Variants in HEXA observed in about 807,000 individuals in gnomAD.
HEXA encodes hexosaminidase subunit alpha, also known as beta-hexosaminidase subunit alpha.
In HEXA, 54 loss-of-function variants were observed where a neutral mutation model predicts 73.3. That is an observed-to-expected ratio of 0.74 (90% confidence interval 0.59 to 0.92). The LOEUF is 0.92. Among genes scored for constraint, HEXA ranks in the 40% least tolerant of loss-of-function variants. The pLI is 0.00. For synonymous variants in HEXA, 230 were observed against 246.9 expected (o/e 0.93, Z 0.64); for missense variants, 649 against 653.0 (o/e 0.99, Z 0.07).
chr15:72,375,634 A>G, intron 1 of HEXA, 86 bp downstream of exon 1: 5 of 1,502,200 alleles, frequency 3.3e-6, no homozygotes, highest in Non-Finnish European at 4.6e-6. Context: ...ACAAAAGCCC[A>G]TAGGGCGTCT....
chr15:72,351,011 C>T (rs1267995678), intron 6 of HEXA, 122 bp downstream of exon 6: 2 of 738,234 alleles, frequency 2.7e-6, no homozygotes, highest in Non-Finnish European at 4.9e-6. Flanking sequence ...AATCCAGTGT[C>T]CTTCCCCTAT....
chr15:72,341,417 G>C lies in HEXA; in HGVS notation c.*2660C>G, dbSNP rs1273744803. 2 of 152,050 alleles carry C rather than the reference G, an allele frequency of 1.3e-5. No homozygotes were observed. Among genetic ancestry groups the C allele is most frequent in the African/African-American group, 4.8e-5 (2 of 41,378 alleles). 9.4% of individuals were successfully genotyped at this position (152,050 alleles called of 1,614,324 possible). On this transcript the variant is annotated 3_prime_UTR_variant, in exon 14 of 14. Coordinates refer to ENST00000268097, the MANE Select transcript of HEXA (RefSeq NM_000520.6). ...GCAGCCTCAGCTCCTACCAAGGAGA[G>C]GAGAGGTTGAAGACTCTCCCAGTCT...
intron 7 of HEXA, 91 bp downstream of exon 7, chr15:72,350,427 C>T: frequency 7.4e-7 from 1 of 1,352,464 alleles, no homozygotes; most frequent in Non-Finnish European, 1.1e-6. Flanking sequence ...AGGACCAAGG[C>T]TGGGATATGC....
In HEXA at chr15:72,348,070, G is replaced by A; in HGVS notation, c.1051C>T (p.Leu351=). 1 of 1,612,686 alleles carries A rather than the reference G, an allele frequency of 6.2e-7. No individual in the cohort carries two copies. Among genetic ancestry groups the A allele is most frequent in the Non-Finnish European group, 8.5e-7 (1 of 1,178,666 alleles). ...KKGFGEDFKQ[L]ESFYIQTLLD... is the part of the protein sequence containing the mutation. Reference sequence around the variant, plus strand: ...CACGTCTGGATGTAGAAGGACTCCAGCTGCTTGAAGTCCTCACCGAAGCCT... The same window carrying A: ...CACGTCTGGATGTAGAAGGACTCCAACTGCTTGAAGTCCTCACCGAAGCCT... Residue 351 remains leucine (L), a synonymous_variant, in exon 9 of 14, where the codon CTG becomes TTG. Coordinates refer to ENST00000268097, the MANE Select transcript of HEXA (RefSeq NM_000520.6).
At chr15:72,345,343 G>C in intron 13 of HEXA, 103 bp downstream of exon 13, 1 of 1,558,362 alleles carries the variant, frequency 6.4e-7, no homozygotes, top group South Asian at 1.2e-5. Flanking sequence ...ATAAGCCTCT[G>C]TAAGTGTTAG....
Position 72,344,138 on chromosome 15 carries a change from C to T in HEXA, c.1529G>A (p.Arg510Gln), listed in dbSNP as rs745432499. 7 of 1,613,544 alleles carry T rather than the reference C, an allele frequency of 4.3e-6. No individual in the cohort carries two copies. The highest frequency in any genetic ancestry group is 1.3e-5 in the African/African-American group (1 of 74,898). The change falls in exon 14 of 14, where the codon CGA becomes CAA. Residue 510 changes from arginine (R) to glutamine (Q), a missense_variant and splice_region_variant. Arg to Gln is a conservative substitution (Grantham distance 43, BLOSUM62 1). Transcript: ENST00000268097. The part of the protein sequence containing the change: ...LSHFRCELLR[R>Q]GVQAQPLNVG... ...ATTGAGGGGTTGGGCCTGGACACCT[C>T]GCCTGCAAGAGGACATGAAGAAATG...
At chr15:72,347,037 G>GGGGAC (rs1347313472) in intron 10 of HEXA, among the ~76,000 whole-genome samples, 3 of 151,186 alleles carry the variant, frequency 2.0e-5, no homozygotes, top group Admixed American at 2.0e-4. Context: ...AGATGTTTCT[G>GGGGAC]GGGACGGGAC....
At chr15:72,373,415 G>A (rs974652963) in intron 1 of HEXA, among the ~76,000 whole-genome samples, 20 of 152,192 alleles carry the variant, frequency 1.3e-4, no homozygotes, top group Admixed American at 1.3e-3. Context: ...ATTCCAAAGG[G>A]AAGACTCCAT....
chr15:72,345,938 T>C, intron 12 of HEXA: 1 of 539,778 alleles, frequency 1.9e-6, no homozygotes, highest in Non-Finnish European at 3.3e-6. Context: ...GAATCATGGA[T>C]GCTTGTGCTG....
chr15:72,374,708 G>C (rs1455776142), intron 1 of HEXA, among the ~76,000 whole-genome samples: 1 of 152,132 alleles, frequency 6.6e-6, no homozygotes, highest in Non-Finnish European at 1.5e-5. Context: ...TTACAAATGT[G>C]CTGTGGAATA....
chr15:72,364,065 C>G (rs1972692), intron 1 of HEXA, among the ~76,000 whole-genome samples: 125,479 of 152,112 alleles, frequency 0.82, 56,543 homozygotes, highest in Non-Finnish European at 1. Flanking sequence ...CAGCGAACGA[C>G]TTCAAGGTTC....
intron 5 of HEXA, chr15:72,351,470 A>T (rs1377816286): frequency 1.7e-6 from 1 of 591,610 alleles, no homozygotes; most frequent in Non-Finnish European, 3.0e-6. Context: ...GATGGATGAT[A>T]GAAGTGGTCT....
intron 5 of HEXA, chr15:72,351,539 A>G (rs1480746854): frequency 2.1e-6 from 1 of 467,930 alleles, no homozygotes; most frequent in African/African-American, 2.0e-5. Flanking sequence ...CTACTGTGGT[A>G]GCCTGGAATC....
At chr15:72,368,105 G>T (rs1471347052) in intron 1 of HEXA, among the ~76,000 whole-genome samples, 1 of 152,132 alleles carries the variant, frequency 6.6e-6, no homozygotes, top group East Asian at 1.9e-4. Context: ...AATACTACCT[G>T]TACTAAGAAT....
intron 2 of HEXA, among the ~76,000 whole-genome samples, chr15:72,356,252 T>C (rs990499550): frequency 1.3e-5 from 2 of 152,164 alleles, no homozygotes; most frequent in Non-Finnish European, 2.9e-5. Context: ...GTATACACTT[T>C]CCTAAAATAG....
At chr15:72,375,598 T>C in intron 1 of HEXA, 122 bp downstream of exon 1, 3 of 1,028,784 alleles carry the variant, frequency 2.9e-6, no homozygotes, top group Non-Finnish European at 4.4e-6. Context: ...GAGGAGGAAG[T>C]GGAGTGCCTG....
rs121907954 is a variant in HEXA, at chr15:72,350,518, C to T, written c.805G>A (p.Gly269Ser). 1.4e-4 allele frequency: 223 copies of T among 1,613,890 alleles called. No homozygotes were observed. The highest frequency in any genetic ancestry group is 1.5e-4 in the Non-Finnish European group (181 of 1,180,000). Residue 269 changes from glycine to serine, a missense_variant and splice_region_variant, in exon 7 of 14, where the codon GGT (glycine) becomes AGT (serine). Physicochemically the swap from Gly to Ser is moderately conservative, Grantham distance 56. Coordinates refer to ENST00000268097, the MANE Select transcript of HEXA (RefSeq NM_000520.6). ...TPGHTLSWGPGIPGLLTPCYS... is the reference protein window; with the variant it reads ...TPGHTLSWGPSIPGLLTPCYS... ...CTCTGGTCCCAGACATCATTCTTAC[C>T]TGGTCCCCAGGACAAAGTGTGGCCA...
rs121907969 is a variant in HEXA at position 72,353,098 on chromosome 15, G to A, written c.540C>T (p.Tyr180=). Residue 180 remains tyrosine (Y), a synonymous_variant, in exon 5 of 14, where the codon TAC becomes TAT. Coordinates refer to ENST00000268097, the MANE Select transcript of HEXA (RefSeq NM_000520.6). ...RGLLLDTSRH[Y]LPLSSILDTL... is the part of the protein sequence containing the mutation. ...TGTCCAGGATGCTAGAGAGTGGCAG[G>A]TAATGGCGAGATGTATCCAACAGCA... is the stretch of plus-strand genomic sequence containing the variant. The A allele has an allele frequency of 4.3e-6, 7 of 1,612,816 alleles. No individual in the cohort carries two copies. In the South Asian group the frequency reaches 4.4e-5, roughly 10 times the overall value.
chr15:72,361,338 C>T (rs1218078832), intron 1 of HEXA, among the ~76,000 whole-genome samples: 2 of 152,184 alleles, frequency 1.3e-5, no homozygotes, highest in Non-Finnish European at 2.9e-5. Flanking sequence ...CTTCATTCAA[C>T]TTCTCCTTTA....
Sources: gnomAD v4.1 joint callset for allele counts (sites outside exome capture counted in the v4.1 genomes callset) on GRCh38, gnomAD v4.1.1 for gene constraint, MANE v1.5 for transcripts, NCBI Gene and HGNC (gene_info 2026-07-23, HGNC 2026-07-21) for gene names.